CNTN4: variants seen among roughly 807,000 people sequenced by gnomAD.
CNTN4 encodes the protein contactin 4, also known as contactin-4.
Under a neutral mutation model 122.5 loss-of-function variants are expected in CNTN4, and 77 were observed. That is an observed-to-expected ratio of 0.63 (90% confidence interval 0.52 to 0.76). CNTN4 has a LOEUF of 0.76. Ranked by LOEUF, CNTN4 falls within the 30% of genes least tolerant of loss-of-function variation. The pLI is 0.00. For synonymous variants in CNTN4, 512 were observed against 447.0 expected (o/e 1.15, Z -1.83); for missense variants, 1,256 against 1,259.1 (o/e 1.00, Z 0.04).
intron 13 of CNTN4, among the ~76,000 whole-genome samples, chr3:2,939,876 C>G (rs1173227314): frequency 6.6e-6 from 1 of 152,226 alleles, no homozygotes; most frequent in Non-Finnish European, 1.5e-5. Flanking sequence ...CCATTCCCAG[C>G]TCTCTGTTCA....
chr3:2,330,803 C>A (rs1438889912), intron 2 of CNTN4, among the ~76,000 whole-genome samples: 1 of 152,080 alleles, frequency 6.6e-6, no homozygotes, highest in African/African-American at 2.4e-5. Flanking sequence ...TTTTCTGTGA[C>A]CTGTGCTCTA....
intron 2 of CNTN4, among the ~76,000 whole-genome samples, chr3:2,160,503 A>G (rs2035914244): frequency 6.6e-6 from 1 of 152,208 alleles, no homozygotes; most frequent in Admixed American, 6.5e-5. Flanking sequence ...GAAGATTATC[A>G]TATTGCTCAC....
At position 3,026,181 on chromosome 3, in the gene CNTN4, G is replaced by A. The variant is rs200662730; in HGVS notation, c.1566G>A (p.Thr522=). 1.6e-5 allele frequency: 26 copies of A among 1,613,084 alleles called. No individual in the cohort carries two copies. The African/African-American group carries it at 1.9e-4, about 12-fold the overall frequency. Residue 522 remains threonine (T), a synonymous_variant, in exon 15 of 25, where the codon ACG becomes ACA. Transcript: ENST00000418658. ...GESIVLPCQV[T]HDHSLDIVFT... is the part of the protein sequence containing the mutation. ...GTATTGTTTTACCGTGCCAGGTAAC[G>A]CATGATCACTCGCTAGACATCGTGT...
chr3:2,253,474 T>C (rs1243147598), intron 2 of CNTN4, among the ~76,000 whole-genome samples: 3 of 152,200 alleles, frequency 2.0e-5, no homozygotes, highest in Non-Finnish European at 2.9e-5. Context: ...ACCATAATTC[T>C]AGAATTTACT....
At chr3:2,527,029 G>C (rs1193621446) in intron 3 of CNTN4, among the ~76,000 whole-genome samples, 1 of 152,098 alleles carries the variant, frequency 6.6e-6, no homozygotes, top group East Asian at 1.9e-4. Context: ...AGAAAACGTA[G>C]AAGACAGATT....
chr3:2,648,661 A>C (rs1045625923), intron 4 of CNTN4, among the ~76,000 whole-genome samples: 5 of 152,138 alleles, frequency 3.3e-5, no homozygotes, highest in African/African-American at 9.7e-5. Flanking sequence ...AACAATATTG[A>C]AATTAGGCCA....
chr3:2,476,615 G>C (rs950762951), intron 3 of CNTN4, among the ~76,000 whole-genome samples: 40 of 152,286 alleles, frequency 2.6e-4, no homozygotes, highest in African/African-American at 9.4e-4. Flanking sequence ...CCAATATAGA[G>C]AGACAGGAAG....
intron 14 of CNTN4, among the ~76,000 whole-genome samples, chr3:3,019,368 G>A (rs958800056): frequency 4.6e-5 from 7 of 152,004 alleles, no homozygotes; most frequent in East Asian, 1.9e-4. Context: ...GCATTGGTGC[G>A]ACACTGCAAC....
chr3:2,186,338 C>T (rs2037264668), intron 2 of CNTN4, among the ~76,000 whole-genome samples: 1 of 152,120 alleles, frequency 6.6e-6, no homozygotes, highest in Admixed American at 6.5e-5. Flanking sequence ...CATTGATGGA[C>T]ATTTGGGTTG....
chr3:2,418,780 G>A (rs1288266699), intron 3 of CNTN4, among the ~76,000 whole-genome samples: 1 of 152,168 alleles, frequency 6.6e-6, no homozygotes, highest in Non-Finnish European at 1.5e-5. Flanking sequence ...ATTGATGAAA[G>A]TAATCAGTAA....
At chr3:2,192,115 A>T (rs1281918312) in intron 2 of CNTN4, among the ~76,000 whole-genome samples, 3 of 151,924 alleles carry the variant, frequency 2.0e-5, no homozygotes, top group African/African-American at 2.4e-5. Context: ...ACATTTTCTT[A>T]ATCCAGTCTA....
rs553032354 is a variant in CNTN4, at chr3:2,309,475, T to C, written c.-144-29703T>C. On this transcript the variant is annotated intron_variant, in intron 2 of 24. Transcript: ENST00000418658. ...TATTTGCTATAATTACAAAGTAATATTGATGCCTGTGTTTCCTACTTGTTT... is the reference window on the plus strand; with the variant it reads ...TATTTGCTATAATTACAAAGTAATACTGATGCCTGTGTTTCCTACTTGTTT... 4.3e-4 allele frequency among the ~76,000 whole-genome samples: 65 copies of C among 152,340 alleles called. 1 individual carries two copies. Among genetic ancestry groups the C allele is most frequent in the Non-Finnish European group, 7.6e-4 (52 of 68,012 alleles).
intron 17 of CNTN4, among the ~76,000 whole-genome samples, chr3:3,035,235 G>C (rs1385636410): frequency 6.6e-6 from 1 of 150,546 alleles, no homozygotes; most frequent in Non-Finnish European, 1.5e-5. Flanking sequence ...TTGAGCCCAG[G>C]AGGTAGAGGT....
intron 2 of CNTN4, among the ~76,000 whole-genome samples, chr3:2,310,932 G>C (rs568855624): frequency 7.1e-4 from 108 of 152,148 alleles, no homozygotes; most frequent in African/African-American, 2.5e-3. Flanking sequence ...CAGTAGATGT[G>C]TTTTGAAAAT....
chr3:2,312,274 C>G (rs764335251), intron 2 of CNTN4, among the ~76,000 whole-genome samples: 1 of 151,974 alleles, frequency 6.6e-6, no homozygotes, highest in Non-Finnish European at 1.5e-5. Flanking sequence ...AAACCAGTTG[C>G]TAGGTCTCCT....
intron 2 of CNTN4, among the ~76,000 whole-genome samples, chr3:2,116,754 TC>T (rs573263589): frequency 1.3e-5 from 2 of 152,056 alleles, no homozygotes; most frequent in Middle Eastern, 3.2e-3. Context: ...TGCTTCTCTA[TC>T]CCCCCTGCCA....
intron 3 of CNTN4, among the ~76,000 whole-genome samples, chr3:2,372,511 A>G (rs2045669890): frequency 6.6e-6 from 1 of 152,360 alleles, no homozygotes; most frequent in South Asian, 2.1e-4. Flanking sequence ...AATCAGGGAC[A>G]TAGTTGAAAT....
At chr3:2,335,762 C>A (rs1386981611) in intron 2 of CNTN4, among the ~76,000 whole-genome samples, 4 of 152,118 alleles carry the variant, frequency 2.6e-5, no homozygotes, top group African/African-American at 9.7e-5. Context: ...TAAATAATTC[C>A]TGCTTATATA....
At chr3:2,391,370 T>C (rs2046435882) in intron 3 of CNTN4, among the ~76,000 whole-genome samples, 1 of 152,188 alleles carries the variant, frequency 6.6e-6, no homozygotes, top group Non-Finnish European at 1.5e-5. Flanking sequence ...ACAACTGTAC[T>C]ATCTCAGCTC....
Sources: allele counts gnomAD v4.1 joint callset (sites outside exome capture counted in the v4.1 genomes callset), GRCh38; gene constraint gnomAD v4.1.1; transcripts MANE v1.5; gene names NCBI Gene and HGNC (gene_info 2026-07-23, HGNC 2026-07-21).